Variants in DLGAP1 observed in about 807,000 individuals in gnomAD.
DLGAP1 encodes the protein DLG associated protein 1.
DLGAP1 carries 11 observed loss-of-function variants against 90.8 expected under a neutral mutation model. That is an observed-to-expected ratio of 0.12 (90% CI 0.08 to 0.20). DLGAP1 has a LOEUF of 0.20. DLGAP1 is among the 10% of genes least tolerant of loss of function. The pLI is 1.00. For synonymous variants in DLGAP1, 558 were observed against 540.7 expected (o/e 1.03, Z -0.44); for missense variants, 1,050 against 1,333.8 (o/e 0.79, Z 3.31).
intron 1 of DLGAP1, among the ~76,000 whole-genome samples, chr18:4,303,589 A>G (rs969519072): frequency 1.3e-5 from 2 of 152,136 alleles, no homozygotes; most frequent in Non-Finnish European, 2.9e-5. Context: ...TTTTTTCTCC[A>G]AACTGGCCAA....
intron 1 of DLGAP1, among the ~76,000 whole-genome samples, chr18:4,369,482 A>C (rs781706551): frequency 7.2e-5 from 11 of 152,068 alleles, no homozygotes; most frequent in Non-Finnish European, 1.6e-4. Flanking sequence ...TTTAAATTTA[A>C]ATAACTTAAT....
intron 2 of DLGAP1, among the ~76,000 whole-genome samples, chr18:4,114,800 G>A (rs749638739): frequency 1.2e-4 from 19 of 152,032 alleles, no homozygotes; most frequent in South Asian, 4.2e-4. Context: ...TGTTTGCATG[G>A]TATATCTTTT....
intron 1 of DLGAP1, among the ~76,000 whole-genome samples, chr18:4,314,628 G>T (rs2080481272): frequency 6.6e-6 from 1 of 152,204 alleles, no homozygotes. Context: ...AACCAGGCTT[G>T]TTGGCCTTAC....
At chr18:4,417,610 A>G (rs1362741728) in intron 1 of DLGAP1, among the ~76,000 whole-genome samples, 1 of 152,162 alleles carries the variant, frequency 6.6e-6, no homozygotes, top group Non-Finnish European at 1.5e-5. Flanking sequence ...AAAATATCAT[A>G]AACCTATTGG....
At chr18:3,805,312 G>A (rs1196459247) in intron 5 of DLGAP1, among the ~76,000 whole-genome samples, 1 of 152,182 alleles carries the variant, frequency 6.6e-6, no homozygotes, top group Non-Finnish European at 1.5e-5. Flanking sequence ...AAAGGAGAAT[G>A]GTGTCTTACT....
intron 1 of DLGAP1, among the ~76,000 whole-genome samples, chr18:4,196,188 G>A (rs955960691): frequency 1.2e-4 from 18 of 152,050 alleles, no homozygotes; most frequent in African/African-American, 3.6e-4. Context: ...CTACTCTTAC[G>A]GACATTACAG....
chr18:4,333,672 T>G (rs868194068), intron 1 of DLGAP1, among the ~76,000 whole-genome samples: 2 of 148,966 alleles, frequency 1.3e-5, no homozygotes, highest in African/African-American at 2.5e-5. Context: ...TAGGCTGGAG[T>G]GCAGTGGTGT....
chr18:4,398,036 G>T (rs959528666), intron 1 of DLGAP1, among the ~76,000 whole-genome samples: 4 of 152,092 alleles, frequency 2.6e-5, no homozygotes, highest in Non-Finnish European at 4.4e-5. Flanking sequence ...TAGTTAAGGG[G>T]TATGTACTCA....
chr18:4,295,737 C>G (rs1449540529), intron 1 of DLGAP1, among the ~76,000 whole-genome samples: 1 of 152,186 alleles, frequency 6.6e-6, no homozygotes, highest in East Asian at 1.9e-4. Flanking sequence ...TAATACCTAC[C>G]TCTTAGCACT....
At chr18:3,568,377 C>A (rs1419029229) in intron 8 of DLGAP1, among the ~76,000 whole-genome samples, 1 of 152,086 alleles carries the variant, frequency 6.6e-6, no homozygotes, top group Non-Finnish European at 1.5e-5. Flanking sequence ...TCCATAGTTT[C>A]TAAATAGCTA....
chr18:4,346,742 A>G (rs1404404776), intron 1 of DLGAP1, among the ~76,000 whole-genome samples: 1 of 152,190 alleles, frequency 6.6e-6, no homozygotes, highest in African/African-American at 2.4e-5. Flanking sequence ...ATACAATAGC[A>G]TTGCATTATT....
chr18:3,534,518 C>T lies in DLGAP1; in HGVS notation c.2155G>A (p.Asp719Asn). 2 of 1,614,138 alleles carry T rather than the reference C, an allele frequency of 1.2e-6. No individual in the cohort carries two copies. The highest frequency in any genetic ancestry group is 2.2e-5 in the East Asian group (1 of 44,872). The change falls in exon 10 of 13, where the codon GAC becomes AAC. Residue 719 changes from aspartate (D) to asparagine (N), a missense_variant. Around this residue, in one of 2 missense-constraint regions of DLGAP1, gnomAD observed 565 missense variants for 879.7 expected, o/e 0.64. Transcript: ENST00000315677. ...NLENSLESIE[D>N]NSCPGPMARQ... ...GCCATGGGGCCAGGACACGAATTGT[C>T]CTCTATAGATTCCAGAGAATTTTCC...
chr18:4,317,886 G>T (rs150851063), intron 1 of DLGAP1, among the ~76,000 whole-genome samples: 5 of 152,062 alleles, frequency 3.3e-5, no homozygotes, highest in African/African-American at 1.2e-4. Flanking sequence ...TCACTCTGTC[G>T]GCCAGAATGT....
intron 7 of DLGAP1, among the ~76,000 whole-genome samples, chr18:3,649,958 C>T (rs1318537655): frequency 1.3e-5 from 2 of 152,182 alleles, no homozygotes; most frequent in Non-Finnish European, 2.9e-5. Context: ...GGTCACGTGG[C>T]TCCACCTCTG....
At chr18:3,723,188 C>T (rs1039033550) in intron 7 of DLGAP1, among the ~76,000 whole-genome samples, 3 of 152,148 alleles carry the variant, frequency 2.0e-5, no homozygotes, top group Non-Finnish European at 2.9e-5. Context: ...GGGAACTATT[C>T]GCTGAAACTT....
At chr18:4,397,885 G>A (rs2082472767) in intron 1 of DLGAP1, among the ~76,000 whole-genome samples, 1 of 151,934 alleles carries the variant, frequency 6.6e-6, no homozygotes, top group Non-Finnish European at 1.5e-5. Context: ...ATAAGAGCAG[G>A]GTTTATGAGT....
intron 7 of DLGAP1, among the ~76,000 whole-genome samples, chr18:3,583,139 GACCGACCTACCTACCT>G (rs1237544505): frequency 6.0e-5 from 7 of 115,880 alleles, no homozygotes; most frequent in African/African-American, 2.4e-4. Flanking sequence ...CTGCCTGACT[GACCGACCTACCTACCT>G]ACCTACCTAC....
chr18:4,006,764 C>T (rs994685139), intron 2 of DLGAP1, among the ~76,000 whole-genome samples: 10 of 151,860 alleles, frequency 6.6e-5, no homozygotes, highest in Non-Finnish European at 1.2e-4. Flanking sequence ...TTCTACCTCA[C>T]CCTCTCAAAT....
At chr18:4,021,299 C>T (rs2149112531) in intron 2 of DLGAP1, among the ~76,000 whole-genome samples, 1 of 152,252 alleles carries the variant, frequency 6.6e-6, no homozygotes, top group South Asian at 2.1e-4. Flanking sequence ...GTCATCAGGG[C>T]AAGTCCTTCA....
Sources: gnomAD v4.1 joint callset for allele counts (sites outside exome capture counted in the v4.1 genomes callset) on GRCh38, gnomAD v4.1.1 for gene constraint, gnomAD v4.1.1 regional missense constraint, MANE v1.5 for transcripts, NCBI Gene and HGNC (gene_info 2026-07-23, HGNC 2026-07-21) for gene names.